TLN2: variants seen among roughly 807,000 people sequenced by gnomAD.
The protein encoded by TLN2 is talin 2, also known as talin-2.
In TLN2, 118 loss-of-function variants were observed where a neutral mutation model predicts 294.7. That is an observed-to-expected ratio of 0.40 (90% CI 0.34 to 0.47). TLN2 has a LOEUF of 0.47. Ranked by LOEUF, TLN2 falls within the 20% of genes least tolerant of loss-of-function variation. The pLI, the probability that TLN2 is intolerant of heterozygous loss-of-function variation, is 0.84. For missense variants in TLN2, 3,083 were observed against 3,282.2 expected, an observed-to-expected ratio of 0.94 and a Z score of 1.48; for synonymous variants, 1,431 against 1,304.5, an observed-to-expected ratio of 1.10 and a Z score of -2.09.
At chr15:62,481,227 T>C (rs2038072832) in intron 1 of TLN2, among the ~76,000 whole-genome samples, 2 of 151,994 alleles carry the variant, frequency 1.3e-5, no homozygotes, top group African/African-American at 4.8e-5. Context: ...TTTTCTTTTT[T>C]TTTTCTCTTG....
intron 1 of TLN2, among the ~76,000 whole-genome samples, chr15:62,453,894 A>G (rs796903597): frequency 2.4e-4 from 37 of 152,236 alleles, no homozygotes; most frequent in African/African-American, 8.9e-4. Context: ...AGGGTTTGCA[A>G]ACAGTGTGAG....
chr15:62,430,878 C>T (rs2034974392), intron 1 of TLN2, among the ~76,000 whole-genome samples: 1 of 149,072 alleles, frequency 6.7e-6, no homozygotes, highest in African/African-American at 2.5e-5. Flanking sequence ...TCAATTTGGT[C>T]TAGAAGTCTC....
intron 1 of TLN2, among the ~76,000 whole-genome samples, chr15:62,490,864 AC>A (rs959020443): frequency 6.6e-6 from 1 of 151,442 alleles, no homozygotes; most frequent in Non-Finnish European, 1.5e-5. Flanking sequence ...TTAACACTGA[AC>A]CCCCCAAATC....
intron 1 of TLN2, among the ~76,000 whole-genome samples, chr15:62,435,820 G>C (rs1268114005): frequency 2.0e-5 from 3 of 152,220 alleles, no homozygotes; most frequent in Non-Finnish European, 4.4e-5. Context: ...AGGATTACAG[G>C]CGTGAGCCAC....
At chr15:62,679,020 T>C (rs899606377) in intron 11 of TLN2, among the ~76,000 whole-genome samples, 3 of 138,752 alleles carry the variant, frequency 2.2e-5, no homozygotes, top group East Asian at 2.2e-4. Flanking sequence ...TATAACAAGA[T>C]ATACCAAGTC....
At chr15:62,689,862 T>C in intron 12 of TLN2, among the ~76,000 whole-genome samples, 1 of 81,316 alleles carries the variant, frequency 1.2e-5, no homozygotes, top group Non-Finnish European at 2.9e-5. Flanking sequence ...TTTTTTTTTT[T>C]TTTTTTTTTT....
At chr15:62,783,230 A>G (rs115837231) in intron 44 of TLN2, among the ~76,000 whole-genome samples, 125 of 152,350 alleles carry the variant, frequency 8.2e-4, no homozygotes, top group African/African-American at 2.9e-3. Context: ...CTTATCCAGC[A>G]CTTGTCATTC....
At chr15:62,404,708 G>C (rs1190289250) in intron 1 of TLN2, among the ~76,000 whole-genome samples, 3 of 152,034 alleles carry the variant, frequency 2.0e-5, no homozygotes, top group African/African-American at 7.2e-5. Flanking sequence ...ATCTTCCAAG[G>C]GGGGCGTGGA....
At chr15:62,697,548 C>T (rs2058431404) in intron 14 of TLN2, 140 bp from the exon 15 acceptor site, 1 of 855,990 alleles carries the variant, frequency 1.2e-6, no homozygotes, top group Non-Finnish European at 1.8e-6. Flanking sequence ...TTCTTCATTC[C>T]TGCTTCTCAG....
chr15:62,701,863 C>A, intron 17 of TLN2, 129 bp from the exon 18 acceptor site: 1 of 1,057,028 alleles, frequency 9.5e-7, no homozygotes, highest in Non-Finnish European at 1.4e-6. Context: ...GCTCACTGTG[C>A]TCATGTGAAG....
At chr15:62,395,439 T>C (rs2032465153) in intron 1 of TLN2, among the ~76,000 whole-genome samples, 1 of 152,024 alleles carries the variant, frequency 6.6e-6, no homozygotes, top group African/African-American at 2.4e-5. Flanking sequence ...TTTTAAAAGG[T>C]TGGTAATACT....
At chr15:62,674,517 T>TC (rs1471558623) in intron 10 of TLN2, among the ~76,000 whole-genome samples, 1 of 151,722 alleles carries the variant, frequency 6.6e-6, no homozygotes, top group Non-Finnish European at 1.5e-5. Flanking sequence ...CGATATTTTT[T>TC]TTTTTTTTGA....
rs1178624545 is a variant in TLN2, at chr15:62,686,935, C to T, written c.1113+139C>T. ...CGTGGAGTGAGGAAGATGGTGCAAG[C>T]CCATGGGCAGGGAAGGGGATGGGTC... On this transcript the variant is annotated intron_variant, in intron 12 of 58. Coordinates refer to ENST00000636159, the MANE Select transcript of TLN2 (RefSeq NM_015059.3). 3.5e-5 allele frequency: 42 copies of T among 1,211,818 alleles called. No individual in the cohort carries two copies. In the Admixed American group the frequency reaches 1.1e-3, roughly 33 times the overall value. The allele number at this position is 1,211,818 out of a possible 1,614,324, so 75.1% of individuals were successfully genotyped here.
intron 45 of TLN2, among the ~76,000 whole-genome samples, chr15:62,787,662 T>A (rs2064778676): frequency 6.6e-6 from 1 of 151,298 alleles, no homozygotes; most frequent in African/African-American, 2.4e-5. Context: ...CACTATTGCA[T>A]GGAGAAGCTT....
intron 43 of TLN2, 40 bp from the exon 44 acceptor site, chr15:62,781,100 G>C: frequency 6.7e-7 from 1 of 1,483,440 alleles, no homozygotes; most frequent in Non-Finnish European, 9.4e-7. Flanking sequence ...ACTTCAGCAG[G>C]CTTCTTATGA....
In TLN2 at chr15:62,843,729, A is replaced by G. The variant is rs1297244119; in HGVS notation, c.*3119A>G. On this transcript the variant is annotated 3_prime_UTR_variant, in exon 59 of 59. Transcript: ENST00000636159. ...TTATAACCAAAATTCACCATAGCCT[A>G]AGAGAGTAAACCCCACCTCCAAAGT... The G allele has an allele frequency of 6.6e-6, 1 of 152,236 alleles. No individual in the cohort carries two copies. Among genetic ancestry groups the G allele is most frequent in the Non-Finnish European group, 1.5e-5 (1 of 68,058 alleles). The allele number at this position is 152,236 out of a possible 1,614,324, so 9.4% of individuals were successfully genotyped here.
chr15:62,596,925 C>T (rs1269668038), intron 2 of TLN2, among the ~76,000 whole-genome samples: 1 of 152,042 alleles, frequency 6.6e-6, no homozygotes, highest in Non-Finnish European at 1.5e-5. Flanking sequence ...GCTTCTTTTA[C>T]GGGGGCTTCC....
chr15:62,762,493 C>G (rs371680968), intron 39 of TLN2, 40 bp downstream of exon 39: 38 of 1,604,690 alleles, frequency 2.4e-5, no homozygotes, highest in Non-Finnish European at 3.2e-5. Context: ...GCCTGCATCT[C>G]AGCGGGGAAG....
chr15:62,729,308 G>A (rs1483593802), intron 28 of TLN2, among the ~76,000 whole-genome samples: 1 of 152,186 alleles, frequency 6.6e-6, no homozygotes, highest in African/African-American at 2.4e-5. Context: ...CCTCAAGTTA[G>A]TGTTGATTAT....
Sources: gnomAD v4.1 joint callset for allele counts (sites outside exome capture counted in the v4.1 genomes callset) on GRCh38, gnomAD v4.1.1 for gene constraint, MANE v1.5 for transcripts, NCBI Gene and HGNC (gene_info 2026-07-23, HGNC 2026-07-21) for gene names.